The following DARS2 variants were observed in gnomAD, a reference collection of about 807,000 sequenced individuals.
DARS2 encodes aspartyl-tRNA synthetase 2, mitochondrial.
A neutral mutation model predicts 83.0 loss-of-function variants in DARS2; 63 were observed. The observed-to-expected ratio is 0.76, with a 90% CI of 0.62 to 0.94. The LOEUF (loss-of-function observed/expected upper bound fraction) is 0.94. Ranked by LOEUF, DARS2 falls within the 40% of genes least tolerant of loss-of-function variation. The pLI, the probability that DARS2 is intolerant of heterozygous loss-of-function variation, is 0.00. For missense variants in DARS2, 675 were observed against 774.4 expected (o/e 0.87, Z 1.52); for synonymous variants, 250 against 269.3 (o/e 0.93, Z 0.70).
intron 10 of DARS2, among the ~76,000 whole-genome samples, chr1:173,840,210 T>G (rs1653153379): frequency 6.6e-6 from 1 of 152,200 alleles, no homozygotes; most frequent in Admixed American, 6.6e-5. Context: ...TACTTCTTGT[T>G]TCTTCGTTTG....
chr1:173,857,597 A>T lies in DARS2; in HGVS notation c.1830A>T (p.Gly610=). ...TAGCCTTCCCAAAGTCCTTCCGGGG[A>T]CATGACCTCATGAGCAATACCCCAG... ...DVIAFPKSFR[G]HDLMSNTPDS... Residue 610 remains glycine, a synonymous_variant, in exon 17 of 17, where the codon GGA becomes GGT. Transcript: ENST00000649689. 1 of 1,614,158 alleles carries T rather than the reference A, an allele frequency of 6.2e-7. No homozygotes were observed. Among genetic ancestry groups the T allele is most frequent in the Non-Finnish European group, 8.5e-7 (1 of 1,180,018 alleles).
chr1:173,832,120 CAT>C (rs1166257389), intron 5 of DARS2, among the ~76,000 whole-genome samples: 4 of 152,310 alleles, frequency 2.6e-5, no homozygotes, highest in South Asian at 4.1e-4. Context: ...GCTGTACACT[CAT>C]ATGATTTTCA....
In DARS2 at chr1:173,842,321, G is replaced by GAT. The variant is rs1407438425; in HGVS notation, c.1128+1348_1128+1349insAT. Among the ~76,000 whole-genome samples, 9 of 39,412 alleles carry GAT rather than the reference G, an allele frequency of 2.3e-4. 1 individual carries two copies. The highest frequency in any genetic ancestry group is 8.0e-4 in the African/African-American group (8 of 10,026). The allele number at this position is 39,412 out of a possible 152,430, so 25.9% of individuals were successfully genotyped here. A position where few individuals can be genotyped will look rare whatever the true frequency, so the allele number is the denominator to read the frequency against. On this transcript the variant is annotated intron_variant, in intron 11 of 16. Coordinates refer to ENST00000649689, the MANE Select transcript of DARS2 (RefSeq NM_018122.5). ...TTTTTTTTTTTTTTTTTTTTTTAGAGTGAGTCTTGCTCTGTCGCCCAGGCT... is the reference window on the plus strand; with the variant it reads ...TTTTTTTTTTTTTTTTTTTTTTAGAGATTGAGTCTTGCTCTGTCGCCCAGGCT...
chr1:173,857,685 A>T lies in DARS2; in HGVS notation c.1918A>T (p.Lys640Ter). ...CCGAGTCTCCAAGCCAACAGACTCC[A>T]AAGCAGAAAGAGCTCATTGAATCAT... is the stretch of plus-strand genomic sequence containing the variant. The part of the protein sequence containing the change: ...HIRVSKPTDS[K>*]AERAH The change falls in exon 17 of 17, where the codon AAA becomes TAA. Residue 640 changes from lysine (K) to a stop codon, truncating the protein, a stop_gained. Transcript: ENST00000649689. LOFTEE classifies it high-confidence loss of function. 6.2e-7 allele frequency: 1 copy of T among 1,614,168 alleles called. No homozygotes were observed. Among genetic ancestry groups the T allele is most frequent in the Non-Finnish European group, 8.5e-7 (1 of 1,180,012 alleles).
chr1:173,836,331 G>A (rs927196863), intron 7 of DARS2, among the ~76,000 whole-genome samples: 6 of 151,958 alleles, frequency 3.9e-5, no homozygotes, highest in African/African-American at 7.2e-5. Flanking sequence ...CACGAGGTCA[G>A]GAGTTCAAGA....
Position 173,845,236 on chromosome 1 carries a change from TAAAAA to T in DARS2, c.1137_1141del (p.Lys380GlufsTer4). The T allele has an allele frequency of 1.2e-6, 2 of 1,604,798 alleles. No individual in the cohort carries two copies. The highest frequency in any genetic ancestry group is 1.7e-6 in the Non-Finnish European group (2 of 1,171,734). On this transcript the variant is annotated frameshift_variant, in exon 12 of 17. Transcript: ENST00000649689. LOFTEE classifies it high-confidence loss of function. The stretch of plus-strand genomic sequence containing the variant: ...TGATTTTTCTTTCATCAGAAATACT[TAAAAA>T]GGAAAGACATTGAATCCATTAGAAA...
intron 9 of DARS2, among the ~76,000 whole-genome samples, chr1:173,838,762 G>A (rs548012052): frequency 3.0e-4 from 45 of 152,060 alleles, no homozygotes; most frequent in Non-Finnish European, 5.3e-4. Context: ...TTGAGACAGA[G>A]TCTCGCTCTG....
At chr1:173,856,461 T>C (rs1309611641) in intron 15 of DARS2, among the ~76,000 whole-genome samples, 2 of 152,240 alleles carry the variant, frequency 1.3e-5, no homozygotes, top group Non-Finnish European at 2.9e-5. Context: ...TAATCATCTA[T>C]GACTTGTCTT....
intron 13 of DARS2, among the ~76,000 whole-genome samples, chr1:173,850,857 A>T (rs1049499753): frequency 6.6e-6 from 1 of 151,862 alleles, no homozygotes; most frequent in Non-Finnish European, 1.5e-5. Context: ...CACCCGCCGC[A>T]GCCTCCTGAA....
At chr1:173,855,861 A>G (rs1372895049) in intron 15 of DARS2, among the ~76,000 whole-genome samples, 1 of 147,678 alleles carries the variant, frequency 6.8e-6, no homozygotes, top group Non-Finnish European at 1.5e-5. Context: ...GCATTTTGCC[A>G]TGTTGGCCAG....
intron 12 of DARS2, 44 bp from the exon 13 acceptor site, chr1:173,850,283 C>CAA (rs199872112): frequency 0.022 from 29,230 of 1,342,614 alleles, 3 homozygotes; most frequent in East Asian, 0.03. Flanking sequence ...TCCCACTGTT[C>CAA]AAAAAAAAAA....
chr1:173,842,287 T>TG (rs1653254207), intron 11 of DARS2, among the ~76,000 whole-genome samples: 1 of 36,584 alleles, frequency 2.7e-5, no homozygotes, highest in African/African-American at 2.3e-4. Context: ...TTACTTTCTT[T>TG]TTTTTTTTTT....
intron 13 of DARS2, among the ~76,000 whole-genome samples, chr1:173,852,723 T>C (rs1653721468): frequency 6.6e-6 from 1 of 152,104 alleles, no homozygotes; most frequent in Non-Finnish European, 1.5e-5. Context: ...CAGGCTGATC[T>C]AGAACCCCTG....
intron 12 of DARS2, among the ~76,000 whole-genome samples, chr1:173,848,075 C>CATCT (rs1365116305): frequency 6.6e-6 from 1 of 151,914 alleles, no homozygotes; most frequent in African/African-American, 2.4e-5. Context: ...GGATGGTCTC[C>CATCT]ATCTCCTGAC....
intron 5 of DARS2, 95 bp from the exon 6 acceptor site, chr1:173,833,279 CAG>C: frequency 6.3e-6 from 7 of 1,107,874 alleles, no homozygotes; most frequent in South Asian, 1.7e-5. Flanking sequence ...AAACTAAAGA[CAG>C]AGCTAAAATT....
chr1:173,845,420 A>T, intron 12 of DARS2, 129 bp downstream of exon 12: 1 of 589,346 alleles, frequency 1.7e-6, no homozygotes, highest in Non-Finnish European at 3.0e-6. Flanking sequence ...GCTTTTATTT[A>T]CTTTTTATTT....
intron 2 of DARS2, among the ~76,000 whole-genome samples, 163 bp downstream of exon 2, chr1:173,826,949 C>T (rs1433085668): frequency 6.6e-6 from 1 of 152,126 alleles, no homozygotes; most frequent in African/African-American, 2.4e-5. Context: ...TTGAAAGACC[C>T]AAGTGTCATT....
At position 173,858,140 on chromosome 1, in the gene DARS2, C is replaced by T. The variant is rs1653924153; in HGVS notation, c.*435C>T. On this transcript the variant is annotated 3_prime_UTR_variant, in exon 17 of 17. Transcript: ENST00000649689. ...GCTTCATCATCCTCATCAAGAGAAT[C>T]ATATAAATTAAGCTTTATAATGACA... 2 of 209,706 alleles carry T rather than the reference C, an allele frequency of 9.5e-6. No homozygotes were observed. The highest frequency in any genetic ancestry group is 1.6e-4 in the South Asian group (2 of 12,630). The allele number at this position is 209,706 out of a possible 1,614,324, so 13.0% of individuals were successfully genotyped here.
At position 173,853,533 on chromosome 1, in the gene DARS2, G is replaced by A. The variant is rs1289298800; in HGVS notation, c.1529G>A (p.Ser510Asn). Residue 510 changes from serine to asparagine, a missense_variant, in exon 14 of 17, where the codon AGT (serine) becomes AAT (asparagine). Ser to Asn is a conservative substitution (Grantham distance 46, BLOSUM62 1). Transcript: ENST00000649689. ...AHHPFTAPHP[S>N]DIHLLYTEPK... ...CACCCATTTACTGCTCCCCACCCCA[G>A]TGACATACATCTCCTGTACACTGAG... The A allele has an allele frequency of 1.2e-6, 2 of 1,613,984 alleles. No homozygotes were observed. Among genetic ancestry groups the A allele is most frequent in the South Asian group, 2.2e-5 (2 of 91,082 alleles).
Sources: gnomAD v4.1 joint callset for allele counts (sites outside exome capture counted in the v4.1 genomes callset) on GRCh38, gnomAD v4.1.1 for gene constraint, MANE v1.5 for transcripts, NCBI Gene and HGNC (gene_info 2026-07-23, HGNC 2026-07-21) for gene names.